The following BBS9 variants were observed in gnomAD, a reference collection of about 807,000 sequenced individuals.
BBS9 encodes Bardet-Biedl syndrome 9, also known as protein PTHB1.
A neutral mutation model predicts 117.7 loss-of-function variants in BBS9; 89 were observed. That is an observed-to-expected ratio of 0.76 (90% CI 0.64 to 0.90). The LOEUF (loss-of-function observed/expected upper bound fraction) is 0.90. BBS9 is among the 40% of genes least tolerant of loss of function. BBS9 has a pLI of 0.00. For synonymous variants in BBS9, 379 were observed against 370.9 expected, an observed-to-expected ratio of 1.02 and a Z score of -0.25; for missense variants, 982 against 1,042.2, an observed-to-expected ratio of 0.94 and a Z score of 0.80.
chr7:33,234,826 T>C (rs1793172513), intron 5 of BBS9, among the ~76,000 whole-genome samples: 1 of 152,078 alleles, frequency 6.6e-6, no homozygotes, highest in Admixed American at 6.6e-5. Flanking sequence ...AATGGCATAA[T>C]GGCAGTCTCA....
chr7:33,361,149 A>T (rs1476354416), intron 16 of BBS9, among the ~76,000 whole-genome samples: 1 of 152,160 alleles, frequency 6.6e-6, no homozygotes, highest in Non-Finnish European at 1.5e-5. Context: ...GGCTTCCTTT[A>T]GCAGTACAAG....
chr7:33,214,360 T>C (rs780898468), intron 5 of BBS9, among the ~76,000 whole-genome samples: 4 of 152,160 alleles, frequency 2.6e-5, no homozygotes, highest in Non-Finnish European at 4.4e-5. Flanking sequence ...AGGGGAGGCA[T>C]CTGTGATTCA....
In BBS9 at chr7:33,229,419, G is replaced by A. The variant is rs138146854; in HGVS notation, c.443-27817G>A. On this transcript the variant is annotated intron_variant, in intron 5 of 22. Transcript: ENST00000242067. ...ATCTGCCCCTGGAAACCACTGTTTT[G>A]TTCTATGTATTGGAGTTTTGTTTTG... Among the ~76,000 whole-genome samples, 7 of 151,992 alleles carry A rather than the reference G, an allele frequency of 4.6e-5. No individual in the cohort carries two copies. In the East Asian group the frequency reaches 1.4e-3, roughly 29 times the overall value.
intron 21 of BBS9, among the ~76,000 whole-genome samples, chr7:33,622,079 A>G (rs773733189): frequency 3.3e-5 from 5 of 152,116 alleles, no homozygotes; most frequent in Non-Finnish European, 5.9e-5. Context: ...GTGTGGTGGC[A>G]CGCACCTGTA....
intron 19 of BBS9, among the ~76,000 whole-genome samples, chr7:33,442,684 G>T (rs1836387246): frequency 6.6e-6 from 1 of 152,202 alleles, no homozygotes; most frequent in Non-Finnish European, 1.5e-5. Context: ...ATGATGGGAA[G>T]CTCCACTATA....
chr7:33,257,371 T>C lies in BBS9; in HGVS notation c.578T>C (p.Phe193Ser). The change falls in exon 6 of 23, where the codon TTC becomes TCC. Residue 193 changes from phenylalanine to serine, a missense_variant. Phe to Ser is a radical substitution (Grantham distance 155). Coordinates refer to ENST00000242067, the MANE Select transcript of BBS9 (RefSeq NM_198428.3). ...GCCTACAGTTCCCGTACAGATTCCT[T>C]CCTTACTGTCTCTTCCTGCCAACAA... ...PLAYSSRTDSFLTVSSCQQVE... is the reference protein window; with the variant it reads ...PLAYSSRTDSSLTVSSCQQVE... 6.2e-7 allele frequency: 1 copy of C among 1,613,966 alleles called. No individual in the cohort carries two copies.
intron 20 of BBS9, among the ~76,000 whole-genome samples, chr7:33,510,544 C>T (rs148847936): frequency 6.6e-6 from 1 of 152,180 alleles, no homozygotes; most frequent in African/African-American, 2.4e-5. Flanking sequence ...ATGTCTTAGG[C>T]AGTGTTCTAG....
intron 4 of BBS9, among the ~76,000 whole-genome samples, chr7:33,158,359 G>A (rs1357206696): frequency 6.6e-6 from 1 of 152,102 alleles, no homozygotes; most frequent in African/African-American, 2.4e-5. Context: ...ACTTTATAAT[G>A]TATGTAGACT....
chr7:33,540,308 AAG>A (rs1369098940), intron 21 of BBS9, among the ~76,000 whole-genome samples: 1 of 152,214 alleles, frequency 6.6e-6, no homozygotes, highest in Admixed American at 6.5e-5. Flanking sequence ...AATTCAAAAA[AAG>A]AAATTTCATA....
intron 19 of BBS9, among the ~76,000 whole-genome samples, chr7:33,422,172 A>C (rs999425213): frequency 6.6e-6 from 1 of 152,136 alleles, no homozygotes; most frequent in Non-Finnish European, 1.5e-5. Flanking sequence ...GCTTTTCGTA[A>C]ATATAGTTAA....
rs1826365537 is a variant in BBS9, at chr7:33,388,111, C to T, written c.2082C>T (p.His694=). The T allele has an allele frequency of 6.2e-7, 1 of 1,614,142 alleles. No individual in the cohort carries two copies. The highest frequency in any genetic ancestry group is 8.5e-7 in the Non-Finnish European group (1 of 1,180,012). ...ATAAAACTCCTGCCCCTCTTCAACA[C>T]CTGGACACCTTGTTAGATGGAACCT... ...FKDKTPAPLQ[H]LDTLLDGTYK... is the part of the protein sequence containing the mutation. The change falls in exon 19 of 23, where the codon CAC becomes CAT. Residue 694 remains histidine, a synonymous_variant. Transcript: ENST00000242067.
chr7:33,392,895 G>T (rs1563110455), intron 19 of BBS9, among the ~76,000 whole-genome samples: 1 of 152,118 alleles, frequency 6.6e-6, no homozygotes, highest in Non-Finnish European at 1.5e-5. Context: ...GCTGGGTATG[G>T]TGACTCACGC....
At chr7:33,310,203 C>T (rs1366785425) in intron 9 of BBS9, among the ~76,000 whole-genome samples, 1 of 152,212 alleles carries the variant, frequency 6.6e-6, no homozygotes, top group African/African-American at 2.4e-5. Context: ...CTTTCCCAGG[C>T]TAACACTTAG....
At chr7:33,334,644 A>T (rs1814909911) in intron 9 of BBS9, among the ~76,000 whole-genome samples, 1 of 151,490 alleles carries the variant, frequency 6.6e-6, no homozygotes. Flanking sequence ...TTCATACTTT[A>T]AGAAGATCAT....
intron 19 of BBS9, among the ~76,000 whole-genome samples, chr7:33,487,027 T>C (rs1843206508): frequency 6.6e-6 from 1 of 152,246 alleles, no homozygotes; most frequent in Non-Finnish European, 1.5e-5. Context: ...ATTTTATAAA[T>C]TGGAATTCAA....
At position 33,605,508 on chromosome 7, in the gene BBS9, A is replaced by G. The variant is rs556763104; in HGVS notation, c.*282A>G. The G allele has an allele frequency of 4.1e-4, 190 of 466,906 alleles. 2 individuals carry two copies. Among genetic ancestry groups the G allele is most frequent in the Middle Eastern group, 3.7e-3 (6 of 1,628 alleles). 28.9% of individuals were successfully genotyped at this position (466,906 alleles called of 1,614,324 possible). On this transcript the variant is annotated 3_prime_UTR_variant, in exon 23 of 23. Coordinates refer to ENST00000242067, the MANE Select transcript of BBS9 (RefSeq NM_198428.3). ...TAGTCACAGAATACAGTGAAATGAC[A>G]TAGTTTTGGGTTAGATTTTATAATG...
chr7:33,379,783 T>C (rs1824608113), intron 17 of BBS9, among the ~76,000 whole-genome samples: 1 of 152,180 alleles, frequency 6.6e-6, no homozygotes, highest in Non-Finnish European at 1.5e-5. Context: ...GTGCTTAATA[T>C]GTCAAGCATT....
chr7:33,282,538 A>AT (rs1802102260), intron 9 of BBS9, among the ~76,000 whole-genome samples: 1 of 151,860 alleles, frequency 6.6e-6, no homozygotes, highest in Admixed American at 6.6e-5. Context: ...TGACTGGCTA[A>AT]TTTTTTTGTA....
At chr7:33,235,497 C>T (rs1793308559) in intron 5 of BBS9, among the ~76,000 whole-genome samples, 1 of 152,080 alleles carries the variant, frequency 6.6e-6, no homozygotes, top group African/African-American at 2.4e-5. Flanking sequence ...GTTGACTGCC[C>T]ATTGTGCACT....
Sources: gnomAD v4.1 joint callset for allele counts (sites outside exome capture counted in the v4.1 genomes callset) on GRCh38, gnomAD v4.1.1 for gene constraint, MANE v1.5 for transcripts, NCBI Gene and HGNC (gene_info 2026-07-23, HGNC 2026-07-21) for gene names.